PTPRD: variants seen among roughly 807,000 people sequenced by gnomAD.
PTPRD encodes the protein protein tyrosine phosphatase receptor type D, also known as receptor-type tyrosine-protein phosphatase delta.
PTPRD carries 34 observed loss-of-function variants against 214.5 expected under a neutral mutation model. That is an observed-to-expected ratio of 0.16 (90% CI 0.12 to 0.21). PTPRD has a LOEUF of 0.21. Among genes scored for constraint, PTPRD ranks in the 10% least tolerant of loss-of-function variants. The pLI is 1.00. For missense variants in PTPRD, 2,545 were observed against 2,398.7 expected (o/e 1.06, Z -1.27); for synonymous variants, 1,128 against 845.7 (o/e 1.33, Z -5.79).
chr9:9,742,704 CA>C (rs1459007169), intron 6 of PTPRD, among the ~76,000 whole-genome samples: 1 of 152,022 alleles, frequency 6.6e-6, no homozygotes, highest in Non-Finnish European at 1.5e-5. Context: ...AAATATGTAA[CA>C]CAAGACTTTT....
At chr9:9,140,725 C>T (rs2099858859) in intron 10 of PTPRD, among the ~76,000 whole-genome samples, 1 of 152,168 alleles carries the variant, frequency 6.6e-6, no homozygotes, top group South Asian at 2.1e-4. Flanking sequence ...ACTACAGGTG[C>T]CCGCCACCAC....
chr9:8,908,261 G>A (rs2098722165), intron 11 of PTPRD, among the ~76,000 whole-genome samples: 1 of 152,144 alleles, frequency 6.6e-6, no homozygotes, highest in Non-Finnish European at 1.5e-5. Flanking sequence ...TAAGATGTTT[G>A]TTGCTAGCAG....
At chr9:8,573,694 T>G (rs150488949) in intron 14 of PTPRD, among the ~76,000 whole-genome samples, 2 of 151,944 alleles carry the variant, frequency 1.3e-5, no homozygotes, top group Non-Finnish European at 1.5e-5. Context: ...AATATTCTCT[T>G]TATCCAAAAA....
intron 34 of PTPRD, among the ~76,000 whole-genome samples, chr9:8,448,452 A>T (rs999973219): frequency 1.2e-4 from 19 of 152,212 alleles, no homozygotes; most frequent in African/African-American, 4.6e-4. Flanking sequence ...AACTTAATTC[A>T]TATCAAGTTG....
At chr9:10,348,595 T>C (rs1278883100) in intron 2 of PTPRD, among the ~76,000 whole-genome samples, 1 of 152,182 alleles carries the variant, frequency 6.6e-6, no homozygotes, top group Non-Finnish European at 1.5e-5. Context: ...ATGTACCTTT[T>C]AGTATATGCT....
intron 3 of PTPRD, among the ~76,000 whole-genome samples, chr9:10,129,878 C>G (rs548430870): frequency 6.6e-6 from 1 of 152,022 alleles, no homozygotes; most frequent in South Asian, 2.1e-4. Context: ...AACATCTAAA[C>G]AAAAGCTTAT....
At chr9:8,980,026 A>G (rs2099301123) in intron 11 of PTPRD, among the ~76,000 whole-genome samples, 1 of 152,142 alleles carries the variant, frequency 6.6e-6, no homozygotes, top group African/African-American at 2.4e-5. Context: ...ACACACATAC[A>G]CACTGGAATA....
At position 9,292,520 on chromosome 9, in the gene PTPRD, A is replaced by G. The variant is rs546986351; in HGVS notation, c.-203+104929T>C. Among the ~76,000 whole-genome samples, 63 of 151,588 alleles carry G rather than the reference A, an allele frequency of 4.2e-4. 1 individual carries two copies. The Middle Eastern group carries it at 0.014, about 33-fold the overall frequency. On this transcript the variant is annotated intron_variant, in intron 9 of 45. Transcript: ENST00000381196. ...TATGAAGATAGTACAAAGAGTTCTC[A>G]TATACTCCACATCCATTTTCCCTAT...
chr9:10,183,271 A>G (rs907038408), intron 3 of PTPRD, among the ~76,000 whole-genome samples: 2 of 152,172 alleles, frequency 1.3e-5, no homozygotes, highest in Admixed American at 6.5e-5. Context: ...ACAGAGGACT[A>G]TGATTGGGAA....
rs191202859 is a variant in PTPRD, at chr9:10,364,562, A to G, written c.-599-23545T>C. Among the ~76,000 whole-genome samples, 11 of 152,318 alleles carry G rather than the reference A, an allele frequency of 7.2e-5. No homozygotes were observed. In the East Asian group the frequency reaches 2.1e-3, roughly 29 times the overall value. The stretch of plus-strand genomic sequence containing the variant: ...CTCTTTATGCATTTCTTAGAAAAAT[A>G]TATTTGAAATTTTCAAAGAGTTGAA... On this transcript the variant is annotated intron_variant, in intron 2 of 45. Transcript: ENST00000381196.
intron 11 of PTPRD, among the ~76,000 whole-genome samples, chr9:8,753,929 G>A (rs1196710625): frequency 6.6e-6 from 1 of 152,158 alleles, no homozygotes; most frequent in Non-Finnish European, 1.5e-5. Context: ...TGGATCACCT[G>A]AGGTCAGGAG....
intron 8 of PTPRD, among the ~76,000 whole-genome samples, chr9:9,451,430 T>C (rs74478047): frequency 0.012 from 1,863 of 151,900 alleles, 28 homozygotes; most frequent in African/African-American, 0.042. Flanking sequence ...GTTTCCATTT[T>C]TGTGTTACCT....
chr9:10,016,020 G>T (rs146623980), intron 4 of PTPRD, among the ~76,000 whole-genome samples: 487 of 152,158 alleles, frequency 3.2e-3, no homozygotes, highest in African/African-American at 0.011. Flanking sequence ...GCAGGTACCA[G>T]GCTACAACCA....
chr9:10,350,673 T>C (rs2097166667), intron 2 of PTPRD, among the ~76,000 whole-genome samples: 1 of 152,178 alleles, frequency 6.6e-6, no homozygotes, highest in South Asian at 2.1e-4. Context: ...AAACAGTCTA[T>C]ACTGTATTAC....
chr9:10,180,263 G>T (rs761859009), intron 3 of PTPRD, among the ~76,000 whole-genome samples: 1 of 151,986 alleles, frequency 6.6e-6, no homozygotes, highest in Non-Finnish European at 1.5e-5. Context: ...AAAGCACAAA[G>T]ATGTTTCTTA....
chr9:10,612,102 A>T (rs2081158698), intron 2 of PTPRD, among the ~76,000 whole-genome samples: 1 of 151,976 alleles, frequency 6.6e-6, no homozygotes, highest in African/African-American at 2.4e-5. Flanking sequence ...ACCAATGTTT[A>T]ACAAAGCAGG....
At chr9:10,189,476 T>G (rs1015100175) in intron 3 of PTPRD, among the ~76,000 whole-genome samples, 11 of 152,166 alleles carry the variant, frequency 7.2e-5, no homozygotes, top group Non-Finnish European at 1.2e-4. Context: ...TTTTATAAGT[T>G]AAATTAAGTC....
intron 9 of PTPRD, among the ~76,000 whole-genome samples, chr9:9,305,715 A>G (rs1956917227): frequency 6.6e-6 from 1 of 152,166 alleles, no homozygotes; most frequent in Admixed American, 6.5e-5. Context: ...TAGTGTTTTT[A>G]TAAGATAAAT....
intron 3 of PTPRD, among the ~76,000 whole-genome samples, chr9:10,183,136 C>T (rs2099310211): frequency 6.6e-6 from 1 of 152,064 alleles, no homozygotes; most frequent in Non-Finnish European, 1.5e-5. Flanking sequence ...GATCCTAGCA[C>T]ATAGTAAAGT....
Sources: gnomAD v4.1 joint callset for allele counts (sites outside exome capture counted in the v4.1 genomes callset) on GRCh38, gnomAD v4.1.1 for gene constraint, MANE v1.5 for transcripts, NCBI Gene and HGNC (gene_info 2026-07-23, HGNC 2026-07-21) for gene names.